The following AK5 variants were observed in gnomAD, a reference collection of about 807,000 sequenced individuals.
AK5 encodes adenylate kinase isoenzyme 5.
AK5 carries 27 observed loss-of-function variants against 69.5 expected under a neutral mutation model. The observed-to-expected ratio is 0.39, with a 90% CI of 0.29 to 0.54. The LOEUF is 0.54. AK5 is among the 20% of genes least tolerant of loss of function. The pLI, the probability that AK5 is intolerant of heterozygous loss-of-function variation, is 0.71. For missense variants in AK5, 531 were observed against 700.4 expected (o/e 0.76, Z 2.73); for synonymous variants, 260 against 244.4 (o/e 1.06, Z -0.60).
At chr1:77,351,396 A>T (rs1662191168) in intron 6 of AK5, among the ~76,000 whole-genome samples, 1 of 152,180 alleles carries the variant, frequency 6.6e-6, no homozygotes, top group Non-Finnish European at 1.5e-5. Context: ...CCCTGTCTCT[A>T]AATAAATAAA....
intron 9 of AK5, among the ~76,000 whole-genome samples, chr1:77,486,019 A>G (rs1363387409): frequency 1.3e-5 from 2 of 152,092 alleles, no homozygotes; most frequent in Non-Finnish European, 2.9e-5. Context: ...GGAGCCTGAG[A>G]CAGGAGAATG....
chr1:77,486,949 A>G (rs1029998289), intron 10 of AK5, among the ~76,000 whole-genome samples: 1 of 152,214 alleles, frequency 6.6e-6, no homozygotes, highest in Non-Finnish European at 1.5e-5. Flanking sequence ...TTAAAATCTA[A>G]CACACATCTT....
chr1:77,332,637 A>G (rs1309469765), intron 5 of AK5, among the ~76,000 whole-genome samples: 1 of 144,744 alleles, frequency 6.9e-6, no homozygotes, highest in African/African-American at 2.6e-5. Flanking sequence ...ATTTATTTTT[A>G]TTATTTATGC....
chr1:77,366,954 A>G (rs1646960925), intron 6 of AK5, among the ~76,000 whole-genome samples: 1 of 152,006 alleles, frequency 6.6e-6, no homozygotes, highest in Non-Finnish European at 1.5e-5. Context: ...TCATTGTTAA[A>G]TGTCAACGGT....
chr1:77,544,709 T>G (rs746064317), intron 13 of AK5, among the ~76,000 whole-genome samples: 4 of 152,180 alleles, frequency 2.6e-5, no homozygotes, highest in Admixed American at 6.5e-5. Flanking sequence ...GTCGTCTGCT[T>G]TGATAACAAG....
At chr1:77,328,454 C>G (rs573577052) in intron 5 of AK5, among the ~76,000 whole-genome samples, 1 of 151,540 alleles carries the variant, frequency 6.6e-6, no homozygotes, top group Non-Finnish European at 1.5e-5. Flanking sequence ...GAGCCGAGAT[C>G]GCACCGTTGC....
chr1:77,385,380 C>T (rs1233505861), intron 6 of AK5, among the ~76,000 whole-genome samples: 3 of 152,054 alleles, frequency 2.0e-5, no homozygotes, highest in Admixed American at 6.6e-5. Context: ...AGGATGGTCT[C>T]GATCTCCTGA....
At chr1:77,366,274 G>T (rs981097588) in intron 6 of AK5, among the ~76,000 whole-genome samples, 1 of 152,104 alleles carries the variant, frequency 6.6e-6, no homozygotes, top group Non-Finnish European at 1.5e-5. Flanking sequence ...TACCCCCAGA[G>T]AATTTCTCTG....
chr1:77,366,569 C>G (rs565193288), intron 6 of AK5, among the ~76,000 whole-genome samples: 1 of 152,320 alleles, frequency 6.6e-6, no homozygotes, highest in African/African-American at 2.4e-5. Context: ...CATTCTACCT[C>G]TACCCCAGGA....
chr1:77,388,987 G>A (rs567657033), intron 6 of AK5, among the ~76,000 whole-genome samples: 14 of 152,308 alleles, frequency 9.2e-5, no homozygotes, highest in Non-Finnish European at 1.9e-4. Context: ...GCTCCGAAAT[G>A]AGAACTACCT....
chr1:77,318,672 C>T (rs1347642535), intron 5 of AK5, among the ~76,000 whole-genome samples: 7 of 151,916 alleles, frequency 4.6e-5, no homozygotes. Context: ...GCCTTCAATA[C>T]ACTTTGTTCT....
intron 12 of AK5, among the ~76,000 whole-genome samples, chr1:77,533,857 T>G (rs1444536676): frequency 1.3e-5 from 2 of 152,192 alleles, no homozygotes; most frequent in African/African-American, 4.8e-5. Context: ...GGGAGAACAT[T>G]AAGCCGCCTC....
intron 1 of AK5, 170 bp downstream of exon 1, chr1:77,282,543 T>C (rs1658120363): frequency 7.3e-7 from 1 of 1,375,332 alleles, no homozygotes; most frequent in Non-Finnish European, 9.4e-7. Context: ...TCCCGCGGGT[T>C]GCCAGGGTCC....
chr1:77,305,148 C>A (rs545090273), intron 5 of AK5, among the ~76,000 whole-genome samples: 14 of 152,160 alleles, frequency 9.2e-5, no homozygotes, highest in Admixed American at 9.2e-4. Flanking sequence ...TTGAGAATGT[C>A]TATTCAAATC....
rs142561788 is a variant in AK5, at chr1:77,441,132, G to A, written c.1059+23417G>A. Among the ~76,000 whole-genome samples the A allele has an allele frequency of 1.2e-4, 18 of 152,188 alleles. No individual in the cohort carries two copies. In the East Asian group the frequency reaches 3.1e-3, roughly 26 times the overall value. On this transcript the variant is annotated intron_variant, in intron 8 of 13. Coordinates refer to ENST00000354567, the MANE Select transcript of AK5 (RefSeq NM_174858.3). ...ATTTCATTAATTGAATTCTTTAGCT[G>A]CGGGATTTCTGTTTGGTTTTTTAAA...
chr1:77,299,842 A>AT (rs34221500), intron 5 of AK5, among the ~76,000 whole-genome samples: 22,414 of 151,284 alleles, frequency 0.15, 2,138 homozygotes, highest in Non-Finnish European at 0.2. Flanking sequence ...AAGCTACTTG[A>AT]TTTTTTTTTA....
chr1:77,434,173 A>G (rs1651820551), intron 8 of AK5, among the ~76,000 whole-genome samples: 1 of 151,710 alleles, frequency 6.6e-6, no homozygotes, highest in Non-Finnish European at 1.5e-5. Context: ...AGTTCATGAT[A>G]ACCAGAAATT....
chr1:77,301,121 A>G (rs554653871), intron 5 of AK5, among the ~76,000 whole-genome samples: 1 of 152,232 alleles, frequency 6.6e-6, no homozygotes, highest in African/African-American at 2.4e-5. Context: ...TAGGATGAAG[A>G]AGTGTATTTT....
At chr1:77,407,833 C>T (rs1375199894) in intron 6 of AK5, among the ~76,000 whole-genome samples, 9 of 152,070 alleles carry the variant, frequency 5.9e-5, no homozygotes. Flanking sequence ...ATCTTTATCT[C>T]CCTGCATAAC....
Sources: gnomAD v4.1 joint callset for allele counts (sites outside exome capture counted in the v4.1 genomes callset) on GRCh38, gnomAD v4.1.1 for gene constraint, MANE v1.5 for transcripts, NCBI Gene and HGNC (gene_info 2026-07-23, HGNC 2026-07-21) for gene names.